Variants in UNC5D observed in about 807,000 individuals in gnomAD.
The protein encoded by UNC5D is netrin receptor UNC5D.
Under a neutral mutation model 105.4 loss-of-function variants are expected in UNC5D, and 39 were observed. The observed-to-expected ratio is 0.37, with a 90% CI of 0.29 to 0.48. The LOEUF (loss-of-function observed/expected upper bound fraction) is 0.48. Among genes scored for constraint, UNC5D ranks in the 20% least tolerant of loss-of-function variants. The pLI is 0.98. For synonymous variants in UNC5D, 452 were observed against 450.4 expected, an observed-to-expected ratio of 1.00 and a Z score of -0.04; for missense variants, 991 against 1,202.4, an observed-to-expected ratio of 0.82 and a Z score of 2.60.
At chr8:35,408,622 G>C (rs1804958626) in intron 1 of UNC5D, among the ~76,000 whole-genome samples, 1 of 151,670 alleles carries the variant, frequency 6.6e-6, no homozygotes, top group African/African-American at 2.4e-5. Context: ...GTGTGTATGT[G>C]GGAACCGGAA....
intron 1 of UNC5D, among the ~76,000 whole-genome samples, chr8:35,434,333 TA>T (rs1806860396): frequency 6.6e-6 from 1 of 152,142 alleles, no homozygotes; most frequent in African/African-American, 2.4e-5. Context: ...ATTTAAAAAC[TA>T]TCAATTGTTG....
chr8:35,507,199 G>C (rs946447975), intron 1 of UNC5D, among the ~76,000 whole-genome samples: 8 of 150,218 alleles, frequency 5.3e-5, no homozygotes, highest in Admixed American at 4.0e-4. Context: ...GGGACTACAG[G>C]CGCCCGCCAC....
chr8:35,466,151 T>C (rs1197955772), intron 1 of UNC5D, among the ~76,000 whole-genome samples: 1 of 152,158 alleles, frequency 6.6e-6, no homozygotes, highest in African/African-American at 2.4e-5. Context: ...CTGATACTCC[T>C]ACCTTCATGC....
At chr8:35,426,254 A>T (rs185101747) in intron 1 of UNC5D, among the ~76,000 whole-genome samples, 6 of 152,290 alleles carry the variant, frequency 3.9e-5, no homozygotes, top group African/African-American at 1.2e-4. Context: ...TCCTCATAAA[A>T]CATGGTTCTA....
chr8:35,516,257 G>A, intron 1 of UNC5D, among the ~76,000 whole-genome samples: 1 of 152,248 alleles, frequency 6.6e-6, no homozygotes, highest in East Asian at 1.9e-4. Context: ...CCCATCAGTT[G>A]CATGCAAATC....
At chr8:35,766,864 G>A (rs1248230872) in intron 14 of UNC5D, 38 bp from the exon 15 acceptor site, 3 of 1,583,628 alleles carry the variant, frequency 1.9e-6, no homozygotes, top group Non-Finnish European at 2.6e-6. Flanking sequence ...TCTCAGCCAG[G>A]CTCTGCACAC....
intron 1 of UNC5D, among the ~76,000 whole-genome samples, chr8:35,467,271 GAAC>G (rs1457637344): frequency 6.6e-6 from 1 of 152,116 alleles, no homozygotes; most frequent in Non-Finnish European, 1.5e-5. Context: ...CCTTTCCTGA[GAAC>G]CCAGCTGAGG....
At chr8:35,272,693 A>C (rs900148463) in intron 1 of UNC5D, among the ~76,000 whole-genome samples, 3 of 152,206 alleles carry the variant, frequency 2.0e-5, no homozygotes, top group Admixed American at 2.0e-4. Flanking sequence ...GGGGTGCTGT[A>C]GGACTCAGTA....
In UNC5D at chr8:35,758,290, A is replaced by C. The variant is rs1201390650; in HGVS notation, c.2164-1030A>C. On this transcript the variant is annotated intron_variant, in intron 13 of 16. Coordinates refer to ENST00000404895, the MANE Select transcript of UNC5D (RefSeq NM_080872.4). The stretch of plus-strand genomic sequence containing the variant: ...TAAGATAACCAGTAGAGGTGTTTTT[A>C]CTCTTTAATAATTGAAATGTAAGTT... 2.6e-5 allele frequency among the ~76,000 whole-genome samples: 4 copies of C among 152,262 alleles called. No individual in the cohort carries two copies. The East Asian group carries it at 7.7e-4, about 29-fold the overall frequency.
intron 1 of UNC5D, among the ~76,000 whole-genome samples, chr8:35,287,411 T>A (rs553198282): frequency 6.6e-6 from 1 of 152,132 alleles, no homozygotes; most frequent in African/African-American, 2.4e-5. Context: ...ATGAAAAGTT[T>A]GACAGAGAAA....
chr8:35,411,955 G>A (rs1054509128), intron 1 of UNC5D, among the ~76,000 whole-genome samples: 8 of 151,938 alleles, frequency 5.3e-5, no homozygotes, highest in Admixed American at 2.0e-4. Flanking sequence ...TCATGTCCTC[G>A]CCTGTCCCCG....
At chr8:35,547,589 G>T (rs187956376) in intron 1 of UNC5D, among the ~76,000 whole-genome samples, 1 of 152,198 alleles carries the variant, frequency 6.6e-6, no homozygotes, top group Non-Finnish European at 1.5e-5. Context: ...GTAAGCCACC[G>T]CGGCCAGTCA....
chr8:35,629,113 A>G (rs890860709), intron 4 of UNC5D, among the ~76,000 whole-genome samples: 2 of 152,258 alleles, frequency 1.3e-5, no homozygotes, highest in Middle Eastern at 3.4e-3. Context: ...GTACTATTTC[A>G]GTAGCAAGCC....
intron 3 of UNC5D, among the ~76,000 whole-genome samples, chr8:35,578,619 T>C (rs1229154808): frequency 6.6e-6 from 1 of 152,272 alleles, no homozygotes; most frequent in Admixed American, 6.5e-5. Flanking sequence ...CACATCTTTT[T>C]AGTTTCCATC....
In UNC5D at chr8:35,624,356, T is replaced by TA. The variant is rs369906357; in HGVS notation, c.570+28702dup. On this transcript the variant is annotated intron_variant, in intron 4 of 16. Coordinates refer to ENST00000404895, the MANE Select transcript of UNC5D (RefSeq NM_080872.4). ...CGCACAGTTAGTGTGTTTGCAGTGA[T>TA]AAACACCAGTGTTGCACAGGTGAAG... is the stretch of plus-strand genomic sequence containing the variant. Among the ~76,000 whole-genome samples the TA allele has an allele frequency of 1.3e-3, 202 of 152,356 alleles. 1 individual carries two copies. The highest frequency in any genetic ancestry group is 4.7e-3 in the African/African-American group (195 of 41,584).
intron 1 of UNC5D, among the ~76,000 whole-genome samples, chr8:35,270,882 CTATT>C (rs1222715619): frequency 5.3e-5 from 8 of 150,998 alleles, no homozygotes; most frequent in African/African-American, 1.7e-4. Context: ...AAAAAAATCA[CTATT>C]TATTTCTTTA....
At chr8:35,614,796 AG>A (rs1294915408) in intron 4 of UNC5D, among the ~76,000 whole-genome samples, 1 of 152,174 alleles carries the variant, frequency 6.6e-6, no homozygotes, top group Non-Finnish European at 1.5e-5. Flanking sequence ...TTAGCTGGGA[AG>A]CTCTAGTTCC....
intron 8 of UNC5D, among the ~76,000 whole-genome samples, chr8:35,709,933 G>A (rs952721180): frequency 3.3e-5 from 5 of 152,066 alleles, no homozygotes; most frequent in African/African-American, 1.2e-4. Flanking sequence ...GCAAGGTGAG[G>A]GAAGAAAACT....
At chr8:35,373,019 G>A (rs2128926405) in intron 1 of UNC5D, among the ~76,000 whole-genome samples, 1 of 152,274 alleles carries the variant, frequency 6.6e-6, no homozygotes, top group African/African-American at 2.4e-5. Flanking sequence ...CTTTAGTTTG[G>A]GGGCCATGTA....
Sources: allele counts gnomAD v4.1 joint callset (sites outside exome capture counted in the v4.1 genomes callset), GRCh38; gene constraint gnomAD v4.1.1; transcripts MANE v1.5; gene names NCBI Gene and HGNC (gene_info 2026-07-23, HGNC 2026-07-21).